The following FSD1L variants were observed in gnomAD, a reference collection of about 807,000 sequenced individuals.
The protein encoded by FSD1L is fibronectin type III and SPRY domain containing 1 like.
A neutral mutation model predicts 71.6 loss-of-function variants in FSD1L; 45 were observed. The ratio of observed to expected loss-of-function variants is 0.63; its 90% CI spans 0.49 to 0.81. The LOEUF (loss-of-function observed/expected upper bound fraction) is 0.81, where lower values mean the gene tolerates loss of function less well. FSD1L is among the 30% of genes least tolerant of loss of function. FSD1L has a pLI of 0.00. For missense variants in FSD1L, 561 were observed against 618.1 expected (o/e 0.91, Z 0.98); for synonymous variants, 197 against 207.2 (o/e 0.95, Z 0.42).
intron 6 of FSD1L, 128 bp from the exon 7 acceptor site, chr9:105,484,253 C>A: frequency 3.2e-6 from 2 of 619,920 alleles, no homozygotes; most frequent in Non-Finnish European, 2.4e-6. Context: ...ATTTCTATTT[C>A]ACTTTTAACT....
intron 9 of FSD1L, among the ~76,000 whole-genome samples, chr9:105,510,816 A>G (rs756263996): frequency 2.6e-5 from 4 of 152,168 alleles, no homozygotes; most frequent in Non-Finnish European, 5.9e-5. Flanking sequence ...CAGCTATGAT[A>G]TAATTTTATA....
chr9:105,497,704 CCT>C lies in FSD1L; in HGVS notation c.587-8692_587-8691del, dbSNP rs377020189. ...GTCCATGGGATCTTTGTTGATGCCCCCTCTTTCATTTTTGATACTAGTTATTT... is the reference window on the plus strand; with the variant it reads ...GTCCATGGGATCTTTGTTGATGCCCCCTTTCATTTTTGATACTAGTTATTT... On this transcript the variant is annotated intron_variant, in intron 7 of 13. Coordinates refer to ENST00000481272, the MANE Select transcript of FSD1L (RefSeq NM_001145313.3). Among the ~76,000 whole-genome samples the C allele has an allele frequency of 1.9e-3, 283 of 151,980 alleles. 2 individuals carry two copies. Among genetic ancestry groups the C allele is most frequent in the African/African-American group, 6.5e-3 (270 of 41,442 alleles).
At chr9:105,525,453 T>C (rs930539115) in intron 10 of FSD1L, 4 of 1,607,692 alleles carry the variant, frequency 2.5e-6, no homozygotes, top group Admixed American at 3.4e-5. Flanking sequence ...AAAAAGAATT[T>C]GTTGAGAAGC....
intron 7 of FSD1L, among the ~76,000 whole-genome samples, chr9:105,499,617 G>A (rs1329402926): frequency 2.6e-5 from 4 of 151,208 alleles, no homozygotes; most frequent in Non-Finnish European, 5.9e-5. Context: ...TTGATTTTCT[G>A]TGGTCTGAAT....
chr9:105,493,608 C>G (rs1351591532), intron 7 of FSD1L, among the ~76,000 whole-genome samples: 1 of 152,180 alleles, frequency 6.6e-6, no homozygotes, highest in East Asian at 1.9e-4. Context: ...ATGGTCTTTA[C>G]AATTTGGCCT....
chr9:105,506,373 GTCTT>G (rs890678596), intron 7 of FSD1L, 22 bp from the exon 8 acceptor site: 1 of 1,405,028 alleles, frequency 7.1e-7, no homozygotes, highest in African/African-American at 1.4e-5. Flanking sequence ...GAATGAATGA[GTCTT>G]TTTTTTTTTT....
At chr9:105,468,775 G>GT (rs1831243198) in intron 4 of FSD1L, among the ~76,000 whole-genome samples, 1 of 152,136 alleles carries the variant, frequency 6.6e-6, no homozygotes, top group African/African-American at 2.4e-5. Flanking sequence ...GATTACAGGC[G>GT]TAAGGCACCA....
intron 7 of FSD1L, among the ~76,000 whole-genome samples, chr9:105,491,448 G>A (rs1832931736): frequency 6.6e-6 from 1 of 152,042 alleles, no homozygotes; most frequent in Admixed American, 6.6e-5. Flanking sequence ...CTGCAAACAG[G>A]GACAATTTGA....
intron 8 of FSD1L, among the ~76,000 whole-genome samples, chr9:105,508,217 G>A (rs571935696): frequency 1.6e-5 from 2 of 126,232 alleles, no homozygotes; most frequent in Non-Finnish European, 3.2e-5. Context: ...CTGCTCTGTC[G>A]CCCAGACTGG....
chr9:105,544,608 G>T (rs992580769), intron 13 of FSD1L, among the ~76,000 whole-genome samples: 3 of 152,080 alleles, frequency 2.0e-5, no homozygotes, highest in Admixed American at 6.6e-5. Flanking sequence ...TTTGTATAAG[G>T]TGTAAGGAAG....
upstream of FSD1L, chr9:105,447,895 A>T (rs754216678): frequency 1.9e-5 from 9 of 462,128 alleles, no homozygotes; most frequent in Non-Finnish European, 3.5e-5. Flanking sequence ...AGGATGGGGG[A>T]AGGGAGTGCA....
intron 7 of FSD1L, among the ~76,000 whole-genome samples, chr9:105,498,811 A>AAC: frequency 6.6e-6 from 1 of 152,038 alleles, no homozygotes; most frequent in Non-Finnish European, 1.5e-5. Context: ...TTTAGTAGAG[A>AAC]TGGGGTTTCG....
chr9:105,447,324 CAAAAAAA>C (rs35514046), upstream of FSD1L, among the ~76,000 whole-genome samples: 26 of 61,556 alleles, frequency 4.2e-4, no homozygotes, highest in East Asian at 3.7e-3. Flanking sequence ...ACTCCATCTC[CAAAAAAA>C]AAAAAAAAAA....
At chr9:105,530,903 A>G in intron 10 of FSD1L, 1 of 264,852 alleles carries the variant, frequency 3.8e-6, no homozygotes, top group Non-Finnish European at 7.1e-6. Context: ...CAGATATTGT[A>G]CACCTACTCT....
intron 7 of FSD1L, among the ~76,000 whole-genome samples, chr9:105,496,992 T>C (rs555365096): frequency 5.3e-4 from 80 of 152,348 alleles, no homozygotes; most frequent in African/African-American, 1.9e-3. Context: ...TGGTGTTAGC[T>C]GTAATTTTTT....
At chr9:105,462,206 T>C (rs1282162893) in intron 2 of FSD1L, among the ~76,000 whole-genome samples, 1 of 151,848 alleles carries the variant, frequency 6.6e-6, no homozygotes, top group Non-Finnish European at 1.5e-5. Context: ...GGTGGAAAGT[T>C]TTTTTAAGTT....
At chr9:105,496,504 A>G (rs1228740960) in intron 7 of FSD1L, among the ~76,000 whole-genome samples, 1 of 152,194 alleles carries the variant, frequency 6.6e-6, no homozygotes, top group Non-Finnish European at 1.5e-5. Context: ...TCTTAAGAAC[A>G]TTGAGTATTT....
At chr9:105,449,275 T>G (rs1829837937) in intron 1 of FSD1L, among the ~76,000 whole-genome samples, 1 of 152,256 alleles carries the variant, frequency 6.6e-6, no homozygotes, top group African/African-American at 2.4e-5. Context: ...TATTACAGTA[T>G]TTAACAAATA....
chr9:105,483,220 C>T (rs1393987306), intron 6 of FSD1L, among the ~76,000 whole-genome samples: 1 of 152,098 alleles, frequency 6.6e-6, no homozygotes. Flanking sequence ...GTTGTTTACT[C>T]ATTGTTACTA....
Sources: allele counts gnomAD v4.1 joint callset (sites outside exome capture counted in the v4.1 genomes callset), GRCh38; gene constraint gnomAD v4.1.1; transcripts MANE v1.5; gene names NCBI Gene and HGNC (gene_info 2026-07-23, HGNC 2026-07-21).